The following ABCA13 variants were observed in gnomAD, a reference collection of about 807,000 sequenced individuals.
ABCA13 encodes the protein ATP binding cassette subfamily A member 13.
ABCA13 carries 476 observed loss-of-function variants against 478.7 expected under a neutral mutation model. The ratio of observed to expected loss-of-function variants is 0.99; its 90% CI spans 0.92 to 1.07. The LOEUF is 1.07. Among genes scored for constraint, ABCA13 ranks in the 50% least tolerant of loss-of-function variants. The probability of loss-of-function intolerance (pLI) is 0.00; values close to 1 mark genes in which losing one functional copy is unlikely to be tolerated. For synonymous variants in ABCA13, 2,252 were observed against 2,158.9 expected (o/e 1.04, Z -1.20); for missense variants, 6,060 against 5,910.6 (o/e 1.03, Z -0.83).
chr7:48,608,618 G>A (rs1011627738), intron 58 of ABCA13, among the ~76,000 whole-genome samples: 1 of 152,220 alleles, frequency 6.6e-6, no homozygotes, highest in South Asian at 2.1e-4. Context: ...TTACCCAATG[G>A]TCCAAATTGT....
chr7:48,335,526 C>G lies in ABCA13; in HGVS notation c.10104C>G (p.Asn3368Lys). The G allele has an allele frequency of 6.2e-7, 1 of 1,613,314 alleles. No individual in the cohort carries two copies. ...GAAGTGGAAGTGGCCAGATGTTCAACCAGCTGCAGGTGAGTGGTTGGTCTT... is the reference window on the plus strand; with the variant it reads ...GAAGTGGAAGTGGCCAGATGTTCAAGCAGCTGCAGGTGAGTGGTTGGTCTT... ...FQRSGSGQMF[N>K]QLQEALRNKF... is the part of the protein sequence containing the mutation. Residue 3368 changes from asparagine (N) to lysine (K), a missense_variant, in exon 28 of 62, where the codon AAC becomes AAG. Coordinates refer to ENST00000435803, the MANE Select transcript of ABCA13 (RefSeq NM_152701.5).
At chr7:48,473,281 G>A (rs1468097163) in intron 45 of ABCA13, among the ~76,000 whole-genome samples, 1 of 152,132 alleles carries the variant, frequency 6.6e-6, no homozygotes, top group South Asian at 2.1e-4. Flanking sequence ...CTTATCTATA[G>A]TGTTGCAGCC....
chr7:48,517,453 C>T (rs191883664), intron 52 of ABCA13, among the ~76,000 whole-genome samples: 10 of 152,280 alleles, frequency 6.6e-5, no homozygotes, highest in African/African-American at 2.4e-4. Flanking sequence ...TCAGGAAGAA[C>T]TTCTCCTTGT....
At chr7:48,562,106 G>GC (rs1786521826) in intron 55 of ABCA13, among the ~76,000 whole-genome samples, 4 of 136,260 alleles carry the variant, frequency 2.9e-5, no homozygotes, top group Admixed American at 2.2e-4. Flanking sequence ...CATATGTATG[G>GC]GGGGGGAGGT....
chr7:48,355,429 G>A (rs1368467355), intron 31 of ABCA13, among the ~76,000 whole-genome samples: 1 of 151,998 alleles, frequency 6.6e-6, no homozygotes, highest in African/African-American at 2.4e-5. Flanking sequence ...AAGTCAAAGA[G>A]CTGATTGTAG....
intron 56 of ABCA13, 32 bp downstream of exon 56, chr7:48,580,406 G>C: frequency 6.3e-7 from 1 of 1,596,016 alleles, no homozygotes; most frequent in Non-Finnish European, 8.5e-7. Flanking sequence ...TAGATAAAGG[G>C]ACCCATTGAG....
chr7:48,617,287 C>T (rs1282236336), intron 59 of ABCA13, among the ~76,000 whole-genome samples: 3 of 152,156 alleles, frequency 2.0e-5, no homozygotes, highest in Admixed American at 1.3e-4. Context: ...GGGTCTCCTT[C>T]CTCCTCCTCT....
chr7:48,327,552 A>T lies in ABCA13; in HGVS notation c.10000-7870A>T, dbSNP rs144298120. Reference sequence around the variant, plus strand: ...TTCTCACAAGAACCCCAGGGAGTAGACATTGTTAAATCCATTTTATAGATT... The same window carrying T: ...TTCTCACAAGAACCCCAGGGAGTAGTCATTGTTAAATCCATTTTATAGATT... On this transcript the variant is annotated intron_variant, in intron 27 of 61. Coordinates refer to ENST00000435803, the MANE Select transcript of ABCA13 (RefSeq NM_152701.5). Among the ~76,000 whole-genome samples, 22 of 152,320 alleles carry T rather than the reference A, an allele frequency of 1.4e-4. No homozygotes were observed. The East Asian group carries it at 4.0e-3, about 28-fold the overall frequency.
intron 2 of ABCA13, 103 bp downstream of exon 2, chr7:48,193,155 GAATA>G (rs1797329198): frequency 2.5e-6 from 2 of 786,506 alleles, no homozygotes; most frequent in Non-Finnish European, 4.1e-6. Context: ...TGAGTGAAAT[GAATA>G]GATAGGGTTT....
At chr7:48,474,800 T>C (rs1174534201) in intron 45 of ABCA13, among the ~76,000 whole-genome samples, 1 of 152,202 alleles carries the variant, frequency 6.6e-6, no homozygotes, top group Non-Finnish European at 1.5e-5. Context: ...ATTTGATCAT[T>C]CTATTATAGT....
intron 3 of ABCA13, among the ~76,000 whole-genome samples, chr7:48,215,862 T>G (rs1250945557): frequency 6.6e-6 from 1 of 152,226 alleles, no homozygotes; most frequent in Non-Finnish European, 1.5e-5. Flanking sequence ...GTATAAGTTA[T>G]AGGCTTTGTT....
At chr7:48,227,566 C>A in intron 6 of ABCA13, 141 bp downstream of exon 6, 1 of 986,196 alleles carries the variant, frequency 1.0e-6, no homozygotes, top group Non-Finnish European at 1.5e-6. Context: ...GGAGCTTCTG[C>A]ACCTCCACGA....
At chr7:48,320,355 T>C (rs1803263456) in intron 27 of ABCA13, among the ~76,000 whole-genome samples, 1 of 152,202 alleles carries the variant, frequency 6.6e-6, no homozygotes, top group African/African-American at 2.4e-5. Context: ...CTGTTTGCAT[T>C]GATTTGGGTT....
chr7:48,645,476 C>A lies in ABCA13; in HGVS notation c.15141C>A (p.Ser5047=). Residue 5047 remains serine (S), a synonymous_variant, in exon 62 of 62, where the codon TCC becomes TCA. Transcript: ENST00000435803. ...QQTLQSTLDP[S]TDSHHTHHLP... ...CTCTACAATCTACTCTTGATCCATC[C>A]ACTGACAGTCACCACACACATCACT... 1 of 1,589,486 alleles carries A rather than the reference C, an allele frequency of 6.3e-7. No individual in the cohort carries two copies. The highest frequency in any genetic ancestry group is 1.7e-4 in the Middle Eastern group (1 of 6,036).
At position 48,372,643 on chromosome 7, in the gene ABCA13, AC is replaced by A. The variant is rs1226019668; in HGVS notation, c.11133+149del. ...TCTGATATCTGCTTTTTAAAATCTT[AC>A]CCACAAATGCAAACCGTTGAAACTG... is the stretch of plus-strand genomic sequence containing the variant. On this transcript the variant is annotated intron_variant, in intron 33 of 61. Coordinates refer to ENST00000435803, the MANE Select transcript of ABCA13 (RefSeq NM_152701.5). 15 of 737,116 alleles carry A rather than the reference AC, an allele frequency of 2.0e-5. No homozygotes were observed. The African/African-American group carries it at 2.5e-4, about 12-fold the overall frequency. 45.7% of individuals were successfully genotyped at this position (737,116 alleles called of 1,614,324 possible).
At position 48,239,308 on chromosome 7, in the gene ABCA13, C is replaced by T; in HGVS notation, c.965C>T (p.Ala322Val). The T allele has an allele frequency of 3.1e-6, 5 of 1,613,960 alleles. No homozygotes were observed. Among genetic ancestry groups the T allele is most frequent in the Non-Finnish European group, 3.4e-6 (4 of 1,179,868 alleles). Reference sequence around the variant, plus strand: ...TTGTCTAGCACATCAGAGGATGAAGCTGAGAAATGGGGCCACGTTGGAGGC... The same window carrying T: ...TTGTCTAGCACATCAGAGGATGAAGTTGAGAAATGGGGCCACGTTGGAGGC... Reference protein sequence around the residue: ...SVLSSTSEDEAEKWGHVGGCH... With the variant: ...SVLSSTSEDEVEKWGHVGGCH... Residue 322 changes from alanine to valine, a missense_variant, in exon 9 of 62, where the codon GCT becomes GTT. Physicochemically the swap from Ala to Val is moderately conservative, Grantham distance 64. This residue lies in a region of ABCA13 where 4,423 missense variants were observed against 4,309.1 expected (regional missense o/e 1.03). Transcript: ENST00000435803.
intron 15 of ABCA13, among the ~76,000 whole-genome samples, chr7:48,257,247 T>A (rs1793527873): frequency 6.6e-6 from 1 of 152,146 alleles, no homozygotes; most frequent in African/African-American, 2.4e-5. Context: ...GATAAAACTA[T>A]CCCTGTTTGG....
intron 27 of ABCA13, among the ~76,000 whole-genome samples, chr7:48,320,414 A>G (rs1485185444): frequency 2.6e-5 from 4 of 152,234 alleles, no homozygotes; most frequent in African/African-American, 4.8e-5. Flanking sequence ...TCTTAGCCTA[A>G]CAGCCTCCTG....
chr7:48,416,221 A>G (rs184757762), intron 41 of ABCA13, among the ~76,000 whole-genome samples: 547 of 152,302 alleles, frequency 3.6e-3, no homozygotes, highest in African/African-American at 0.012. Context: ...GGCCTCTACA[A>G]AGCTGCAACC....
Sources: allele counts gnomAD v4.1 joint callset (sites outside exome capture counted in the v4.1 genomes callset), GRCh38; gene constraint gnomAD v4.1.1; regional missense constraint gnomAD v4.1.1; transcripts MANE v1.5; gene names NCBI Gene and HGNC (gene_info 2026-07-23, HGNC 2026-07-21).